The following TRIM75 variants were observed in gnomAD, a reference collection of about 807,000 sequenced individuals.
TRIM75 encodes the protein tripartite motif containing 75, also known as tripartite motif-containing protein 75.
the TRIM75 span, chr4:165,059,772 GAGA>G: frequency 1.3e-6 from 1 of 780,890 alleles, no homozygotes. Flanking sequence ...AGCTGAAGAA[GAGA>G]AGGACAATCA....
chr4:165,057,727 T>G, the TRIM75 span, among the ~76,000 whole-genome samples: 2 of 152,046 alleles, frequency 1.3e-5, no homozygotes, highest in Admixed American at 6.6e-5. Context: ...AGCGACAAGG[T>G]TTTGCCATGT....
the TRIM75 span, among the ~76,000 whole-genome samples, chr4:165,055,378 A>G: frequency 6.7e-5 from 10 of 148,464 alleles, no homozygotes; most frequent in Non-Finnish European, 1.3e-4. Flanking sequence ...TCCATGTCCC[A>G]GGTTCAAGTG....
the TRIM75 span, chr4:165,059,563 A>AT: frequency 1.3e-6 from 1 of 780,922 alleles, no homozygotes; most frequent in Non-Finnish European, 2.4e-6. Flanking sequence ...GCTGCCATTC[A>AT]TTATAGGAAA....
chr4:165,054,425 G>A, the TRIM75 span, among the ~76,000 whole-genome samples: 4 of 151,984 alleles, frequency 2.6e-5, no homozygotes, highest in Non-Finnish European at 5.9e-5. Flanking sequence ...GTGCCACCAT[G>A]CCCAGCTAAT....
chr4:165,055,800 A>G, the TRIM75 span, among the ~76,000 whole-genome samples: 3 of 151,114 alleles, frequency 2.0e-5, no homozygotes, highest in Non-Finnish European at 2.9e-5. Flanking sequence ...ATCAAGAAGT[A>G]TGCTAGGCGT....
the TRIM75 span, chr4:165,059,669 G>A: frequency 1.3e-6 from 1 of 780,930 alleles, no homozygotes; most frequent in East Asian, 2.4e-5. Context: ...AACTGAGAGA[G>A]ATGGTGGAAA....
the TRIM75 span, among the ~76,000 whole-genome samples, chr4:165,055,296 T>G: frequency 6.8e-5 from 10 of 148,020 alleles, no homozygotes; most frequent in African/African-American, 2.6e-4. Flanking sequence ...TTTTTTTTTT[T>G]TTTTTGCGAT....
chr4:165,058,400 C>T, the TRIM75 span, among the ~76,000 whole-genome samples: 1 of 151,700 alleles, frequency 6.6e-6, no homozygotes, highest in African/African-American at 2.4e-5. Context: ...GTCTACATTG[C>T]CCAGGCTAGA....
chr4:165,054,912 T>C, the TRIM75 span, among the ~76,000 whole-genome samples: 2 of 152,064 alleles, frequency 1.3e-5, no homozygotes, highest in Non-Finnish European at 2.9e-5. Context: ...CCTTCCAGGA[T>C]GTAGCAGTGA....
the TRIM75 span, chr4:165,059,763 G>T: frequency 1.3e-6 from 1 of 780,886 alleles, no homozygotes; most frequent in Non-Finnish European, 2.4e-6. Context: ...CTCCAGATTA[G>T]CTGAAGAAGA....
the TRIM75 span, among the ~76,000 whole-genome samples, chr4:165,054,774 A>G: frequency 2.0e-5 from 3 of 152,116 alleles, no homozygotes; most frequent in African/African-American, 7.2e-5. Context: ...GTCCTAAGTC[A>G]CCGAAATGCT....
At chr4:165,059,649 A>C in the TRIM75 span, 1 of 780,902 alleles carries the variant, frequency 1.3e-6, no homozygotes, top group Admixed American at 1.7e-5. Flanking sequence ...TCAAAGCAAA[A>C]AACCCTTAGA....
the TRIM75 span, chr4:165,059,309 T>G: frequency 1.3e-6 from 1 of 780,522 alleles, no homozygotes; most frequent in Non-Finnish European, 2.4e-6. Flanking sequence ...TCCCTTGCCC[T>G]GTCTGTCGTC....
chr4:165,054,678 G>A, the TRIM75 span, among the ~76,000 whole-genome samples: 1 of 152,300 alleles, frequency 6.6e-6, no homozygotes, highest in Middle Eastern at 3.4e-3. Context: ...GGGATTGCAG[G>A]CATGAACTAC....
chr4:165,055,147 T>A, the TRIM75 span, among the ~76,000 whole-genome samples: 15 of 145,030 alleles, frequency 1.0e-4, no homozygotes, highest in Non-Finnish European at 1.9e-4. Flanking sequence ...TAAAAAAAAA[T>A]TTTTTTTTGT....
At chr4:165,055,082 G>A in the TRIM75 span, among the ~76,000 whole-genome samples, 1 of 151,852 alleles carries the variant, frequency 6.6e-6, no homozygotes, top group African/African-American at 2.4e-5. Context: ...GGGTTAAGTA[G>A]CTCCCCCAAG....
the TRIM75 span, chr4:165,060,135 A>C: frequency 1.3e-6 from 1 of 780,972 alleles, no homozygotes; most frequent in South Asian, 1.3e-5. Flanking sequence ...TGGTTTCCCA[A>C]AAAGATTTAC....
At chr4:165,054,188 G>A in the TRIM75 span, among the ~76,000 whole-genome samples, 1 of 151,680 alleles carries the variant, frequency 6.6e-6, no homozygotes, top group African/African-American at 2.4e-5. Context: ...TGCCTCCTGG[G>A]GTCAAGCAAT....
the TRIM75 span, chr4:165,060,432 A>G: frequency 6.4e-6 from 5 of 780,788 alleles, no homozygotes; most frequent in Admixed American, 6.8e-5. Flanking sequence ...ATTCTATAAC[A>G]TGGCTGAGAA....
Sources: allele counts gnomAD v4.1 joint callset (sites outside exome capture counted in the v4.1 genomes callset), GRCh38; gene constraint gnomAD v4.1.1; transcripts MANE v1.5; gene names NCBI Gene and HGNC (gene_info 2026-07-23, HGNC 2026-07-21).